Variants in PARD3B observed in about 807,000 individuals in gnomAD.
PARD3B encodes par-3 family cell polarity regulator beta.
PARD3B carries 103 observed loss-of-function variants against 130.2 expected under a neutral mutation model. That is an observed-to-expected ratio of 0.79 (90% CI 0.67 to 0.93). The LOEUF is 0.93. Among genes scored for constraint, PARD3B ranks in the 40% least tolerant of loss-of-function variants. The pLI is 0.00. For missense variants in PARD3B, 1,609 were observed against 1,499.2 expected (o/e 1.07, Z -1.21); for synonymous variants, 583 against 553.2 (o/e 1.05, Z -0.76).
rs1012051916 is a variant in PARD3B at position 205,121,448 on chromosome 2, G to T, written c.807-143G>T. The T allele has an allele frequency of 1.3e-6, 1 of 754,332 alleles. No individual in the cohort carries two copies. The highest frequency in any genetic ancestry group is 2.2e-6 in the Non-Finnish European group (1 of 454,066). The allele number at this position is 754,332 out of a possible 1,614,324, so 46.7% of individuals were successfully genotyped here. On this transcript the variant is annotated intron_variant, in intron 7 of 22. Coordinates refer to ENST00000406610, the MANE Select transcript of PARD3B (RefSeq NM_001302769.2). The surrounding 1 kb of genome is among the most constrained non-coding windows in gnomAD (Gnocchi z 5.0). ...GTAAGTGGTAACTAGTATGTAGTTG[G>T]CAAAGTCATTCTGATAGGAATATTG... is the stretch of plus-strand genomic sequence containing the variant.
intron 2 of PARD3B, among the ~76,000 whole-genome samples, chr2:204,764,591 A>G (rs535351806): frequency 6.6e-6 from 1 of 152,268 alleles, no homozygotes; most frequent in African/African-American, 2.4e-5. Context: ...TAAGATTGAA[A>G]GAAAACAAAC....
intron 1 of PARD3B, among the ~76,000 whole-genome samples, chr2:204,636,957 C>T (rs567002184): frequency 2.0e-5 from 3 of 152,218 alleles, no homozygotes; most frequent in African/African-American, 7.2e-5. Context: ...AATTCTGTCC[C>T]TGTAAGGAGT....
chr2:205,057,140 G>A (rs1402554265), intron 4 of PARD3B, among the ~76,000 whole-genome samples: 2 of 151,310 alleles, frequency 1.3e-5, no homozygotes, highest in African/African-American at 2.4e-5. Flanking sequence ...CTCCTAGTAT[G>A]AGGTGATTTC....
intron 15 of PARD3B, among the ~76,000 whole-genome samples, chr2:205,224,367 T>A (rs1286443559): frequency 1.1e-3 from 4 of 3,808 alleles, no homozygotes; most frequent in East Asian, 0.042. Flanking sequence ...CGAGACTCCG[T>A]CTCAAAAAAA....
chr2:205,542,607 T>A (rs1159955419), intron 21 of PARD3B, among the ~76,000 whole-genome samples: 1 of 152,078 alleles, frequency 6.6e-6, no homozygotes, highest in Non-Finnish European at 1.5e-5. Flanking sequence ...GTAGGACAGG[T>A]CTGATAATGT....
In PARD3B at chr2:205,401,098, G is replaced by A. The variant is rs772269623; in HGVS notation, c.2716G>A (p.Glu906Lys). 8.1e-6 allele frequency: 13 copies of A among 1,598,754 alleles called. No individual in the cohort carries two copies. Among genetic ancestry groups the A allele is most frequent in the African/African-American group, 4.0e-5 (3 of 74,802 alleles). ...KHGGLREEEL[E>K]KMKEERERIG... The stretch of plus-strand genomic sequence containing the variant: ...TGGTGGCCTGAGAGAAGAAGAGCTG[G>A]AGAAAATGAAAGAAGAGCGTGAAAG... Residue 906 changes from glutamate (E) to lysine (K), a missense_variant, in exon 19 of 23, where the codon GAG becomes AAG. Transcript: ENST00000406610.
At chr2:205,593,143 T>A (rs2054448197) in intron 22 of PARD3B, among the ~76,000 whole-genome samples, 1 of 152,236 alleles carries the variant, frequency 6.6e-6, no homozygotes, top group Non-Finnish European at 1.5e-5. Context: ...ATTATTTTTT[T>A]AAGAGTAAGC....
intron 1 of PARD3B, among the ~76,000 whole-genome samples, chr2:204,585,647 G>T (rs2032785487): frequency 6.6e-6 from 1 of 151,798 alleles, no homozygotes; most frequent in Non-Finnish European, 1.5e-5. Flanking sequence ...CCAGTCTAAT[G>T]GGCAGATAAT....
At chr2:205,329,487 C>T (rs951780975) in intron 18 of PARD3B, among the ~76,000 whole-genome samples, 2 of 152,214 alleles carry the variant, frequency 1.3e-5, no homozygotes, top group African/African-American at 4.8e-5. Flanking sequence ...TATTAGATCA[C>T]ACACCATGAA....
intron 1 of PARD3B, among the ~76,000 whole-genome samples, chr2:204,567,603 T>G (rs2031751358): frequency 6.6e-6 from 1 of 152,256 alleles, no homozygotes; most frequent in Non-Finnish European, 1.5e-5. Context: ...ATTTTGTTTA[T>G]TCATTTATCC....
chr2:205,480,269 C>T (rs540171014), intron 20 of PARD3B, among the ~76,000 whole-genome samples: 1 of 152,258 alleles, frequency 6.6e-6, no homozygotes, highest in South Asian at 2.1e-4. Flanking sequence ...TTGGCTCTAG[C>T]TGTTTTCTCC....
At chr2:205,002,746 T>A (rs964580826) in intron 3 of PARD3B, among the ~76,000 whole-genome samples, 3 of 152,218 alleles carry the variant, frequency 2.0e-5, no homozygotes, top group Non-Finnish European at 4.4e-5. Context: ...CTTCATATCA[T>A]CTAGTGGCTC....
At position 204,873,480 on chromosome 2, in the gene PARD3B, C is replaced by T. The variant is rs927542572; in HGVS notation, c.223-91672C>T. Among the ~76,000 whole-genome samples the T allele has an allele frequency of 6.6e-5, 10 of 152,096 alleles. No homozygotes were observed. The South Asian group carries it at 1.0e-3, about 16-fold the overall frequency. ...TCCCCCAGACACTTCATCACCCATC[C>T]GCAGGACTTTCCTAAGCACGTATTT... On this transcript the variant is annotated intron_variant, in intron 2 of 22. Coordinates refer to ENST00000406610, the MANE Select transcript of PARD3B (RefSeq NM_001302769.2).
intron 19 of PARD3B, among the ~76,000 whole-genome samples, chr2:205,408,635 A>G (rs1390651496): frequency 6.6e-6 from 1 of 152,194 alleles, no homozygotes. Flanking sequence ...AAAAGGATGT[A>G]TTAAAGAAAC....
intron 18 of PARD3B, among the ~76,000 whole-genome samples, chr2:205,361,061 A>G (rs1877339): frequency 0.6 from 90,734 of 151,990 alleles, 30,509 homozygotes; most frequent in South Asian, 0.77. Context: ...GACTTTGTCC[A>G]TGTTTGTTGA....
chr2:204,915,238 A>G (rs913478739), intron 2 of PARD3B, among the ~76,000 whole-genome samples: 2 of 152,142 alleles, frequency 1.3e-5, no homozygotes, highest in African/African-American at 2.4e-5. Flanking sequence ...CTCCATGTTA[A>G]ATTATAGCAC....
rs904898030 is a variant in PARD3B, at chr2:205,406,675, T to A, written c.2741+5552T>A. On this transcript the variant is annotated intron_variant, in intron 19 of 22. Transcript: ENST00000406610. ...CTTGTGTATCTTTTTTTTTTTTTTT[T>A]TTTTTTTTTTTTTAAAGACAGAGTC... is the stretch of plus-strand genomic sequence containing the variant. Among the ~76,000 whole-genome samples the A allele has an allele frequency of 2.8e-5, 4 of 143,768 alleles. No homozygotes were observed. In the East Asian group the frequency reaches 7.8e-4, roughly 28 times the overall value. The allele number at this position is 143,768 out of a possible 152,430, so 94.3% of individuals were successfully genotyped here.
Position 204,799,877 on chromosome 2 carries a change from T to G in PARD3B, c.222+113595T>G, listed in dbSNP as rs2042504387. Among the ~76,000 whole-genome samples, 2 of 152,206 alleles carry G rather than the reference T, an allele frequency of 1.3e-5. No homozygotes were observed. The highest frequency in any genetic ancestry group is 4.8e-5 in the African/African-American group (2 of 41,462). Reference sequence around the variant, plus strand: ...GATTTATATCACAGCATCAGTTCCCTTGGAATACTTGGTAAGCCTTCCTAA... The same window carrying G: ...GATTTATATCACAGCATCAGTTCCCGTGGAATACTTGGTAAGCCTTCCTAA... On this transcript the variant is annotated intron_variant, in intron 2 of 22. Transcript: ENST00000406610. The surrounding 1 kb of genome is among the most constrained non-coding windows in gnomAD (Gnocchi z 4.1).
chr2:204,667,945 A>C (rs1254459197), intron 1 of PARD3B, among the ~76,000 whole-genome samples: 1 of 152,204 alleles, frequency 6.6e-6, no homozygotes, highest in Non-Finnish European at 1.5e-5. Context: ...AACGAGGTGT[A>C]TATATAAAGA....
Sources: allele counts gnomAD v4.1 joint callset (sites outside exome capture counted in the v4.1 genomes callset), GRCh38; gene constraint gnomAD v4.1.1; non-coding constraint Gnocchi (gnomAD v3.1); transcripts MANE v1.5; gene names NCBI Gene and HGNC (gene_info 2026-07-23, HGNC 2026-07-21).